Variants in NTNG1 observed in about 807,000 individuals in gnomAD.
The protein encoded by NTNG1 is netrin-G1.
Under a neutral mutation model 54.0 loss-of-function variants are expected in NTNG1, and 16 were observed. That is an observed-to-expected ratio of 0.30 (90% CI 0.20 to 0.45). The LOEUF (loss-of-function observed/expected upper bound fraction) is 0.45. Among genes scored for constraint, NTNG1 ranks in the 20% least tolerant of loss-of-function variants. NTNG1 has a pLI of 1.00. For missense variants in NTNG1, 530 were observed against 678.7 expected (o/e 0.78, Z 2.43); for synonymous variants, 255 against 263.1 (o/e 0.97, Z 0.30).
chr1:107,431,631 T>A (rs1675273643), intron 6 of NTNG1, among the ~76,000 whole-genome samples: 1 of 152,152 alleles, frequency 6.6e-6, no homozygotes, highest in Non-Finnish European at 1.5e-5. Flanking sequence ...ACCAGGCACC[T>A]TTCCCACCCA....
At chr1:107,428,573 CAGAGGAGGCGACCCAGG>C (rs1557991905) in intron 5 of NTNG1, among the ~76,000 whole-genome samples, 2 of 152,046 alleles carry the variant, frequency 1.3e-5, no homozygotes, top group Non-Finnish European at 2.9e-5. Flanking sequence ...AGACCTCTTC[CAGAGGAGGCGACCCAGG>C]GGCAGGGCTG....
chr1:107,172,569 A>G (rs1331380091), intron 2 of NTNG1, among the ~76,000 whole-genome samples: 4 of 152,186 alleles, frequency 2.6e-5, no homozygotes, highest in African/African-American at 9.6e-5. Context: ...TAAGTTGCAG[A>G]GTCCAAGACT....
chr1:107,341,824 C>A (rs1668912660), intron 3 of NTNG1, among the ~76,000 whole-genome samples: 2 of 152,038 alleles, frequency 1.3e-5, no homozygotes, highest in African/African-American at 4.8e-5. Flanking sequence ...TCTCTTCTGG[C>A]TTCAGGAAAG....
At chr1:107,424,723 T>C (rs146390120) in intron 5 of NTNG1, among the ~76,000 whole-genome samples, 36 of 152,142 alleles carry the variant, frequency 2.4e-4, no homozygotes, top group African/African-American at 8.4e-4. Flanking sequence ...TTTGAACAAG[T>C]TAAAGTTGAA....
intron 7 of NTNG1, among the ~76,000 whole-genome samples, chr1:107,471,164 G>A (rs890643071): frequency 1.3e-5 from 2 of 152,100 alleles, no homozygotes; most frequent in Admixed American, 6.5e-5. Context: ...TACTCCCTAG[G>A]GTCAGAACTT....
chr1:107,250,792 A>G (rs1235077441), intron 2 of NTNG1, among the ~76,000 whole-genome samples: 1 of 152,176 alleles, frequency 6.6e-6, no homozygotes, highest in Non-Finnish European at 1.5e-5. Context: ...GACCTTGGTC[A>G]AGGCAGCTTC....
At chr1:107,156,819 C>T (rs1051250614) in intron 2 of NTNG1, among the ~76,000 whole-genome samples, 9 of 152,110 alleles carry the variant, frequency 5.9e-5, no homozygotes, top group Non-Finnish European at 1.0e-4. Context: ...GGTCATTGCT[C>T]TCTTTTGTCT....
chr1:107,439,977 C>T (rs1239569216), intron 7 of NTNG1, among the ~76,000 whole-genome samples: 1 of 151,916 alleles, frequency 6.6e-6, no homozygotes, highest in Non-Finnish European at 1.5e-5. Context: ...CTCACCCTGA[C>T]TTCCACTTGC....
chr1:107,269,596 A>G (rs1664004908), intron 2 of NTNG1, among the ~76,000 whole-genome samples: 1 of 152,248 alleles, frequency 6.6e-6, no homozygotes, highest in Non-Finnish European at 1.5e-5. Flanking sequence ...CATCTGATAC[A>G]TGGAATGTGC....
At chr1:107,390,125 A>T (rs1204514719) in intron 3 of NTNG1, among the ~76,000 whole-genome samples, 1 of 152,204 alleles carries the variant, frequency 6.6e-6, no homozygotes, top group Admixed American at 6.5e-5. Context: ...GGAAAATGAA[A>T]GGGAGTCCTC....
chr1:107,285,586 C>T (rs1254491448), intron 2 of NTNG1, among the ~76,000 whole-genome samples: 1 of 152,112 alleles, frequency 6.6e-6, no homozygotes, highest in Non-Finnish European at 1.5e-5. Flanking sequence ...TTTCTGCATA[C>T]AATCAGCAAT....
At chr1:107,471,848 A>G (rs2101585856) in intron 7 of NTNG1, among the ~76,000 whole-genome samples, 1 of 152,348 alleles carries the variant, frequency 6.6e-6, no homozygotes, top group South Asian at 2.1e-4. Context: ...AGAGATAGGA[A>G]TTAGCACCTC....
At chr1:107,479,405 T>C (rs12134781) in intron 7 of NTNG1, among the ~76,000 whole-genome samples, 8,501 of 152,276 alleles carry the variant, frequency 0.056, 341 homozygotes, top group South Asian at 0.089. Flanking sequence ...CACTTAATAG[T>C]AATATTGGGT....
chr1:107,396,049 C>A lies in NTNG1; in HGVS notation c.1060+723C>A, dbSNP rs546241391. Among the ~76,000 whole-genome samples the A allele has an allele frequency of 3.3e-5, 5 of 152,326 alleles. No individual in the cohort carries two copies. The East Asian group carries it at 9.6e-4, about 29-fold the overall frequency. ...AGGAAAACAGGCTCTGACATGCTCACAGAGAAATGTGATTATTTGCTGAAT... is the reference window on the plus strand; with the variant it reads ...AGGAAAACAGGCTCTGACATGCTCAAAGAGAAATGTGATTATTTGCTGAAT... On this transcript the variant is annotated intron_variant, in intron 4 of 7. Transcript: ENST00000370068.
chr1:107,185,868 AT>A (rs66825018), intron 2 of NTNG1, among the ~76,000 whole-genome samples: 151,649 of 152,008 alleles, frequency 1, 75,646 homozygotes, highest in Middle Eastern at 1. Context: ...ACCAACTTCT[AT>A]TTTTTTTTAA....
intron 7 of NTNG1, among the ~76,000 whole-genome samples, chr1:107,457,920 T>C (rs1343965672): frequency 6.6e-6 from 1 of 152,138 alleles, no homozygotes; most frequent in Non-Finnish European, 1.5e-5. Context: ...ATATCCCAGC[T>C]TCCTTAGTTA....
chr1:107,458,691 A>G (rs1161926056), intron 7 of NTNG1, among the ~76,000 whole-genome samples: 3 of 152,180 alleles, frequency 2.0e-5, no homozygotes, highest in Non-Finnish European at 2.9e-5. Context: ...GGAAAAGAAG[A>G]AGAAAAACAT....
intron 2 of NTNG1, among the ~76,000 whole-genome samples, chr1:107,292,315 G>C (rs1209252905): frequency 6.6e-6 from 1 of 152,122 alleles, no homozygotes; most frequent in East Asian, 1.9e-4. Context: ...AGGAGTGATG[G>C]AGGCAAGTTT....
At chr1:107,301,745 A>G (rs1442031747) in intron 2 of NTNG1, among the ~76,000 whole-genome samples, 4 of 152,184 alleles carry the variant, frequency 2.6e-5, no homozygotes, top group Non-Finnish European at 5.9e-5. Context: ...CACAAGTTCA[A>G]CGTCATTTTA....
Sources: gnomAD v4.1 joint callset for allele counts (sites outside exome capture counted in the v4.1 genomes callset) on GRCh38, gnomAD v4.1.1 for gene constraint, MANE v1.5 for transcripts, NCBI Gene and HGNC (gene_info 2026-07-23, HGNC 2026-07-21) for gene names.